The following CAMK2B variants were observed in gnomAD, a reference collection of about 807,000 sequenced individuals.
CAMK2B encodes calcium/calmodulin dependent protein kinase II beta.
Under a neutral mutation model 93.7 loss-of-function variants are expected in CAMK2B, and 27 were observed. The ratio of observed to expected loss-of-function variants is 0.29; its 90% CI spans 0.21 to 0.40. CAMK2B has a LOEUF of 0.40. CAMK2B is among the 10% of genes least tolerant of loss of function. The pLI, the probability that CAMK2B is intolerant of heterozygous loss-of-function variation, is 1.00. For synonymous variants in CAMK2B, 374 were observed against 358.8 expected (o/e 1.04, Z -0.48); for missense variants, 568 against 895.8 (o/e 0.63, Z 4.67).
intron 1 of CAMK2B, among the ~76,000 whole-genome samples, chr7:44,304,662 C>G (rs1203847612): frequency 6.6e-6 from 1 of 152,208 alleles, no homozygotes; most frequent in Non-Finnish European, 1.5e-5. Context: ...CTGTGTGACA[C>G]TGTAATGACA....
At chr7:44,229,710 G>A (rs746095585) in intron 17 of CAMK2B, 14 of 460,458 alleles carry the variant, frequency 3.0e-5, no homozygotes, top group South Asian at 4.7e-5. Flanking sequence ...GAGCCAACAC[G>A]GGACCGGTGC....
intron 13 of CAMK2B, 74 bp downstream of exon 13, chr7:44,239,515 C>A: frequency 7.3e-7 from 1 of 1,368,758 alleles, no homozygotes; most frequent in South Asian, 1.2e-5. Flanking sequence ...CCAGCGGCTG[C>A]GTGCAGCAGG....
chr7:44,240,643 C>T (rs1235232938), intron 12 of CAMK2B, 64 bp downstream of exon 12: 10 of 1,560,550 alleles, frequency 6.4e-6, no homozygotes, highest in African/African-American at 2.7e-5. Flanking sequence ...AGGAAGGAGG[C>T]GCTCTCCTGC....
chr7:44,284,664 G>C (rs937752353), intron 1 of CAMK2B, among the ~76,000 whole-genome samples: 1 of 152,230 alleles, frequency 6.6e-6, no homozygotes, highest in African/African-American at 2.4e-5. Flanking sequence ...ATGAGGCCCT[G>C]CTGAGTCTTC....
chr7:44,272,181 T>G (rs182286610), intron 2 of CAMK2B, among the ~76,000 whole-genome samples: 1 of 151,406 alleles, frequency 6.6e-6, no homozygotes, highest in African/African-American at 2.4e-5. Context: ...GGGCGGGGAA[T>G]TGGGGGGGTG....
At position 44,252,473 on chromosome 7, in the gene CAMK2B, G is replaced by C. The variant is rs566681258; in HGVS notation, c.341+2069C>G. Among the ~76,000 whole-genome samples, 3 of 150,870 alleles carry C rather than the reference G, an allele frequency of 2.0e-5. No homozygotes were observed. The East Asian group carries it at 5.9e-4, about 30-fold the overall frequency. On this transcript the variant is annotated intron_variant, in intron 5 of 23. Coordinates refer to ENST00000395749, the MANE Select transcript of CAMK2B (RefSeq NM_001220.5). ...GTGCAGCACAGAGGGGCAGGGGAGA[G>C]GGCTGGAGGCAGCAGGTGAGCAGGA... is the stretch of plus-strand genomic sequence containing the variant.
At chr7:44,239,188 C>T (rs1562858453) in intron 13 of CAMK2B, among the ~76,000 whole-genome samples, 3 of 152,204 alleles carry the variant, frequency 2.0e-5, no homozygotes, top group Admixed American at 1.3e-4. Context: ...GTGTGTCTGC[C>T]CCAAGGGCCT....
At chr7:44,233,278 CG>C (rs988290754) in intron 15 of CAMK2B, among the ~76,000 whole-genome samples, 22 of 152,134 alleles carry the variant, frequency 1.4e-4, no homozygotes, top group African/African-American at 4.8e-4. Flanking sequence ...ATGGGGGTGG[CG>C]GTGGCACATG....
At chr7:44,319,555 T>C (rs549899420) in intron 1 of CAMK2B, among the ~76,000 whole-genome samples, 88 of 152,314 alleles carry the variant, frequency 5.8e-4, no homozygotes, top group Middle Eastern at 3.4e-3. Flanking sequence ...GAGACATCCT[T>C]AGTCCTGTGG....
At chr7:44,314,010 G>A (rs7804804) in intron 1 of CAMK2B, among the ~76,000 whole-genome samples, 13,119 of 151,966 alleles carry the variant, frequency 0.086, 908 homozygotes, top group African/African-American at 0.19. Flanking sequence ...CCTGAGCCAG[G>A]CATTGGCAGT....
At position 44,220,836 on chromosome 7, in the gene CAMK2B, C is replaced by G; in HGVS notation, c.1663G>C (p.Glu555Gln). The G allele has an allele frequency of 1.3e-6, 2 of 1,570,034 alleles. No homozygotes were observed. Among genetic ancestry groups the G allele is most frequent in the Non-Finnish European group, 1.7e-6 (2 of 1,156,686 alleles). Residue 555 changes from glutamate (E) to glutamine (Q), a missense_variant, in exon 21 of 24, where the codon GAG (glutamate) becomes CAG (glutamine). Around this residue, in one of 4 missense-constraint regions of CAMK2B, gnomAD observed 116 missense variants for 188.0 expected, o/e 0.62. Coordinates refer to ENST00000395749, the MANE Select transcript of CAMK2B (RefSeq NM_001220.5). ...GCCCCAGGGACTCACGCGTAGGCCT[C>G]AAAGTCACCGTTGTTGACGGCCTCG... is the stretch of plus-strand genomic sequence containing the variant. ...LIEAVNNGDF[E>Q]AYAKICDPGL...
intron 2 of CAMK2B, among the ~76,000 whole-genome samples, chr7:44,266,347 A>G (rs948461858): frequency 2.2e-4 from 33 of 152,294 alleles, no homozygotes; most frequent in Admixed American, 1.8e-3. Context: ...TTTCCACAAA[A>G]CCAGGGACAT....
Position 44,220,126 on chromosome 7 carries a change from C to T in CAMK2B, c.1937G>A (p.Arg646His), listed in dbSNP as rs769822221. Residue 646 changes from arginine (R) to histidine (H), a missense_variant, in exon 23 of 24, where the codon CGC becomes CAC. This residue lies in a region of CAMK2B where 116 missense variants were observed against 188.0 expected (regional missense o/e 0.62). Transcript: ENST00000395749. ...QSEETRVWHR[R>H]DGKWQNVHFH... ...GTGCACGTTCTGCCACTTGCCGTCG[C>T]GGCGGTGCCACACGCGGGTCTCCTC... The T allele has an allele frequency of 1.6e-5, 26 of 1,611,722 alleles. No homozygotes were observed. The highest frequency in any genetic ancestry group is 1.6e-4 in the Middle Eastern group (1 of 6,080).
At chr7:44,221,367 C>T (rs925134691) in intron 20 of CAMK2B, among the ~76,000 whole-genome samples, 7 of 152,206 alleles carry the variant, frequency 4.6e-5, no homozygotes, top group Non-Finnish European at 7.4e-5. Flanking sequence ...CTTCCTTCAC[C>T]CAGCAGCTCT....
intron 1 of CAMK2B, chr7:44,323,906 C>T (rs571401959): frequency 1.5e-3 from 247 of 161,542 alleles, no homozygotes; most frequent in Non-Finnish European, 2.6e-3. Context: ...AGCCAGCCAC[C>T]CACTCAGGGA....
Position 44,321,152 on chromosome 7 carries a change from T to C in CAMK2B, c.65+4205A>G, listed in dbSNP as rs187223843. 4.9e-3 allele frequency among the ~76,000 whole-genome samples: 754 copies of C among 152,330 alleles called. 4 individuals carry two copies. Among genetic ancestry groups the C allele is most frequent in the Non-Finnish European group, 6.9e-3 (469 of 68,024 alleles). ...TGATCCCTCCTCCTCCATTCCTCTC[T>C]TCCCTGGCAACCGGCTCAGAGCTTG... On this transcript the variant is annotated intron_variant, in intron 1 of 23. Coordinates refer to ENST00000395749, the MANE Select transcript of CAMK2B (RefSeq NM_001220.5).
At chr7:44,305,137 A>G (rs1791112484) in intron 1 of CAMK2B, among the ~76,000 whole-genome samples, 2 of 152,080 alleles carry the variant, frequency 1.3e-5, no homozygotes, top group African/African-American at 4.8e-5. Context: ...AGCTGTCATC[A>G]CCCCGGGAGA....
chr7:44,291,305 C>T (rs933813670), intron 1 of CAMK2B, among the ~76,000 whole-genome samples: 3 of 152,186 alleles, frequency 2.0e-5, no homozygotes, highest in African/African-American at 7.2e-5. Flanking sequence ...CAGGCAGGAG[C>T]TGGAGTCCCC....
intron 5 of CAMK2B, among the ~76,000 whole-genome samples, chr7:44,251,412 G>A (rs1228230777): frequency 1.3e-5 from 2 of 152,074 alleles, no homozygotes; most frequent in Non-Finnish European, 2.9e-5. Flanking sequence ...CAAAGCCACC[G>A]TGGCCCCAGG....
Sources: allele counts gnomAD v4.1 joint callset (sites outside exome capture counted in the v4.1 genomes callset), GRCh38; gene constraint gnomAD v4.1.1; regional missense constraint gnomAD v4.1.1; transcripts MANE v1.5; gene names NCBI Gene and HGNC (gene_info 2026-07-23, HGNC 2026-07-21).